NEMP2: variants seen among roughly 807,000 people sequenced by gnomAD.
NEMP2 encodes the protein nuclear envelope integral membrane protein 2.
Under a neutral mutation model 54.2 loss-of-function variants are expected in NEMP2, and 53 were observed. That is an observed-to-expected ratio of 0.98 (90% CI 0.78 to 1.23). The LOEUF (loss-of-function observed/expected upper bound fraction) is 1.23, where lower values mean the gene tolerates loss of function less well. Among genes scored for constraint, NEMP2 ranks in the 50% most tolerant of loss-of-function variants. NEMP2 has a pLI of 0.00. For missense variants in NEMP2, 455 were observed against 511.3 expected, an observed-to-expected ratio of 0.89 and a Z score of 1.06; for synonymous variants, 197 against 190.3, an observed-to-expected ratio of 1.04 and a Z score of -0.29.
the NEMP2 span, among the ~76,000 whole-genome samples, chr2:190,498,395 A>G: frequency 6.6e-6 from 1 of 152,236 alleles, no homozygotes; most frequent in Non-Finnish European, 1.5e-5. This position sits in a 1 kb window ranked among gnomAD's most constrained non-coding sequence, Gnocchi z 5.9. Context: ...AAGTCACGTC[A>G]GCTTTGTCTG....
the NEMP2 span, chr2:190,610,927 T>C: frequency 6.6e-6 from 1 of 152,206 alleles, no homozygotes; most frequent in South Asian, 2.1e-4. This position sits in a 1 kb window ranked among gnomAD's most constrained non-coding sequence, Gnocchi z 5.4. Flanking sequence ...CTAATGAATA[T>C]TTTAACTCTT....
At chr2:190,568,335 C>T in the NEMP2 span, among the ~76,000 whole-genome samples, 1 of 152,014 alleles carries the variant, frequency 6.6e-6, no homozygotes, top group Non-Finnish European at 1.5e-5. This position sits in a 1 kb window ranked among gnomAD's most constrained non-coding sequence, Gnocchi z 4.7. Flanking sequence ...TGAATCAATG[C>T]AGTAAGAGGA....
the NEMP2 span, among the ~76,000 whole-genome samples, chr2:190,577,463 G>T: frequency 6.6e-6 from 1 of 152,156 alleles, no homozygotes; most frequent in Non-Finnish European, 1.5e-5. The surrounding 1 kb of genome is among the most constrained non-coding windows in gnomAD (Gnocchi z 4.8). Context: ...ATTATGGAAT[G>T]ATTAAAGGAC....
In NEMP2 at chr2:190,527,996, A is replaced by G. The variant is rs1023561429; in HGVS notation, c.98-2618T>C. Reference sequence around the variant, plus strand: ...AAAAGGTTGAAGACTGCTGTTCTACAGGCTCTCTGTTAAATACAGGATACT... The same window carrying G: ...AAAAGGTTGAAGACTGCTGTTCTACGGGCTCTCTGTTAAATACAGGATACT... On this transcript the variant is annotated intron_variant, in intron 1 of 8. Coordinates refer to ENST00000409150, the MANE Select transcript of NEMP2 (RefSeq NM_001142645.2). This position sits in a 1 kb window ranked among gnomAD's most constrained non-coding sequence, Gnocchi z 4.0. 2.0e-5 allele frequency among the ~76,000 whole-genome samples: 3 copies of G among 152,200 alleles called. No individual in the cohort carries two copies. Among genetic ancestry groups the G allele is most frequent in the Non-Finnish European group, 4.4e-5 (3 of 68,040 alleles).
At chr2:190,560,224 T>A in the NEMP2 span, among the ~76,000 whole-genome samples, 12 of 152,148 alleles carry the variant, frequency 7.9e-5, no homozygotes, top group Non-Finnish European at 1.6e-4. The surrounding 1 kb of genome is among the most constrained non-coding windows in gnomAD (Gnocchi z 5.4). Flanking sequence ...AGTCAAGCAG[T>A]TTTGCTGCTG....
chr2:190,445,977 G>A, the NEMP2 span, among the ~76,000 whole-genome samples: 1 of 151,938 alleles, frequency 6.6e-6, no homozygotes. Flanking sequence ...ATTAAACTCT[G>A]GTACGAGGGG....
At chr2:190,448,926 G>A in the NEMP2 span, among the ~76,000 whole-genome samples, 1 of 152,186 alleles carries the variant, frequency 6.6e-6, no homozygotes. Flanking sequence ...TCCTCCTGTA[G>A]AAGAGCCAAA....
At position 190,534,685 on chromosome 2, in the gene NEMP2, A is replaced by C; in HGVS notation, c.-30T>G. 5 of 1,249,310 alleles carry C rather than the reference A, an allele frequency of 4.0e-6. No homozygotes were observed. Among genetic ancestry groups the C allele is most frequent in the Non-Finnish European group, 5.0e-6 (5 of 994,734 alleles). 77.4% of individuals were successfully genotyped at this position (1,249,310 alleles called of 1,614,324 possible). A position where few individuals can be genotyped will look rare whatever the true frequency, so the allele number is the denominator to read the frequency against. ...TTAGGGGTCAGCTCCGTGCGACCCG[A>C]GCCCTAGGGGACCGGCTCCGCTGCG... is the stretch of plus-strand genomic sequence containing the variant. On this transcript the variant is annotated 5_prime_UTR_variant, in exon 1 of 9. Transcript: ENST00000409150.
intron 4 of NEMP2, among the ~76,000 whole-genome samples, chr2:190,518,170 A>G (rs1574300612): frequency 6.6e-6 from 1 of 152,354 alleles, no homozygotes; most frequent in East Asian, 1.9e-4. Flanking sequence ...AAGAAGTAAA[A>G]TATTGAAAAA....
chr2:190,451,711 G>A, the NEMP2 span, among the ~76,000 whole-genome samples: 1 of 151,758 alleles, frequency 6.6e-6, no homozygotes, highest in Non-Finnish European at 1.5e-5. This position sits in a 1 kb window ranked among gnomAD's most constrained non-coding sequence, Gnocchi z 5.0. Context: ...AAGATCTTGG[G>A]GACAGAGAAA....
Position 190,510,582 on chromosome 2 carries a change from C to T in NEMP2, c.954-45G>A. The T allele has an allele frequency of 6.5e-7, 1 of 1,545,316 alleles. No homozygotes were observed. ...TGCAGGATTACTTCCTAATTCAATC[C>T]TTAAGATTTACAAAAATAGGCCAGG... On this transcript the variant is annotated intron_variant, in intron 7 of 8. Coordinates refer to ENST00000409150, the MANE Select transcript of NEMP2 (RefSeq NM_001142645.2). This position sits in a 1 kb window ranked among gnomAD's most constrained non-coding sequence, Gnocchi z 5.7.
the NEMP2 span, among the ~76,000 whole-genome samples, chr2:190,483,523 G>A: frequency 4.6e-5 from 7 of 152,146 alleles, no homozygotes; most frequent in Non-Finnish European, 2.9e-5. Flanking sequence ...TCCTTGTAGA[G>A]TAAGCTGATG....
At chr2:190,458,750 G>C in the NEMP2 span, among the ~76,000 whole-genome samples, 2 of 152,174 alleles carry the variant, frequency 1.3e-5, no homozygotes, top group Non-Finnish European at 2.9e-5. This position sits in a 1 kb window ranked among gnomAD's most constrained non-coding sequence, Gnocchi z 5.3. Flanking sequence ...GTAAAATGGG[G>C]ACTGTATTGT....
In NEMP2 at chr2:190,534,264, CCT is replaced by C. The variant is rs961711877; in HGVS notation, c.97+293_97+294del. 9.7e-6 allele frequency: 11 copies of C among 1,137,244 alleles called. No individual in the cohort carries two copies. In the African/African-American group the frequency reaches 1.3e-4, roughly 13 times the overall value. 70.4% of individuals were successfully genotyped at this position (1,137,244 alleles called of 1,614,324 possible). On this transcript the variant is annotated intron_variant, in intron 1 of 8. Coordinates refer to ENST00000409150, the MANE Select transcript of NEMP2 (RefSeq NM_001142645.2). ...CTGTGTGACCCTGGGCAAATCAAAACCTCTCTGAGTTTCGGTTGCTTCTGTAA... is the reference window on the plus strand; with the variant it reads ...CTGTGTGACCCTGGGCAAATCAAAACCTCTGAGTTTCGGTTGCTTCTGTAA...
At position 190,512,029 on chromosome 2, in the gene NEMP2, C is replaced by T. The variant is rs1487163305; in HGVS notation, c.954-1492G>A. On this transcript the variant is annotated intron_variant, in intron 7 of 8. Coordinates refer to ENST00000409150, the MANE Select transcript of NEMP2 (RefSeq NM_001142645.2). This position sits in a 1 kb window ranked among gnomAD's most constrained non-coding sequence, Gnocchi z 4.5. ...GGGTTAGGATTGATAAATCTATTATCTTTTAAAGATCTTATAGTTGATGAG... is the reference window on the plus strand; with the variant it reads ...GGGTTAGGATTGATAAATCTATTATTTTTTAAAGATCTTATAGTTGATGAG... Among the ~76,000 whole-genome samples, 4 of 151,132 alleles carry T rather than the reference C, an allele frequency of 2.6e-5. No individual in the cohort carries two copies. Among genetic ancestry groups the T allele is most frequent in the Non-Finnish European group, 5.9e-5 (4 of 67,820 alleles).
At chr2:190,426,240 A>T in the NEMP2 span, among the ~76,000 whole-genome samples, 1 of 151,272 alleles carries the variant, frequency 6.6e-6, no homozygotes, top group Non-Finnish European at 1.5e-5. This position sits in a 1 kb window ranked among gnomAD's most constrained non-coding sequence, Gnocchi z 4.7. Flanking sequence ...CTTTCACTTT[A>T]TTTTCTCTCT....
At chr2:190,492,703 T>C in the NEMP2 span, among the ~76,000 whole-genome samples, 1 of 152,060 alleles carries the variant, frequency 6.6e-6, no homozygotes, top group African/African-American at 2.4e-5. The surrounding 1 kb of genome is among the most constrained non-coding windows in gnomAD (Gnocchi z 5.2). Flanking sequence ...GAAACTAAGC[T>C]TCATAAATAA....
At chr2:190,496,146 A>G in the NEMP2 span, among the ~76,000 whole-genome samples, 34 of 152,104 alleles carry the variant, frequency 2.2e-4, no homozygotes, top group Admixed American at 6.6e-4. This position sits in a 1 kb window ranked among gnomAD's most constrained non-coding sequence, Gnocchi z 4.7. Flanking sequence ...TTAGCAAGAA[A>G]AAAAAAAACA....
At chr2:190,474,314 G>A in the NEMP2 span, among the ~76,000 whole-genome samples, 136 of 152,138 alleles carry the variant, frequency 8.9e-4, 1 homozygote, top group East Asian at 9.8e-3. Flanking sequence ...TTGATAGACC[G>A]CTAGCAAGAC....
Sources: gnomAD v4.1 joint callset for allele counts (sites outside exome capture counted in the v4.1 genomes callset) on GRCh38, gnomAD v4.1.1 for gene constraint, Gnocchi (gnomAD v3.1) non-coding constraint, MANE v1.5 for transcripts, NCBI Gene and HGNC (gene_info 2026-07-23, HGNC 2026-07-21) for gene names.